The following ETV6 variants were observed in gnomAD, a reference collection of about 807,000 sequenced individuals.
The protein encoded by ETV6 is transcription factor ETV6.
A neutral mutation model predicts 51.1 loss-of-function variants in ETV6; 16 were observed. The observed-to-expected ratio is 0.31, with a 90% CI of 0.21 to 0.48. The LOEUF is 0.48. ETV6 is among the 20% of genes least tolerant of loss of function. ETV6 has a pLI of 0.99. For synonymous variants in ETV6, 240 were observed against 224.1 expected, an observed-to-expected ratio of 1.07 and a Z score of -0.64; for missense variants, 458 against 594.8, an observed-to-expected ratio of 0.77 and a Z score of 2.39.
chr12:11,713,781 G>A (rs1865217708), intron 1 of ETV6, among the ~76,000 whole-genome samples: 1 of 152,068 alleles, frequency 6.6e-6, no homozygotes, highest in African/African-American at 2.4e-5. Context: ...CTTAACCTTG[G>A]ATGTTCATTA....
At chr12:11,888,028 G>A (rs932485964) in intron 7 of ETV6, among the ~76,000 whole-genome samples, 1 of 152,184 alleles carries the variant, frequency 6.6e-6, no homozygotes, top group African/African-American at 2.4e-5. Context: ...GCAGTTTCAT[G>A]AGATCTGGGA....
intron 2 of ETV6, among the ~76,000 whole-genome samples, chr12:11,820,416 T>C (rs1565538588): frequency 2.0e-5 from 3 of 152,122 alleles, no homozygotes; most frequent in Admixed American, 6.6e-5. Context: ...ACAGCATGAT[T>C]AGTAAAATTA....
intron 1 of ETV6, among the ~76,000 whole-genome samples, chr12:11,728,389 G>A (rs57590264): frequency 2.3e-3 from 352 of 152,326 alleles, no homozygotes; most frequent in African/African-American, 8.1e-3. Context: ...GGGCAAGTGA[G>A]CATTACCACC....
At chr12:11,838,446 A>C (rs972150337) in intron 2 of ETV6, among the ~76,000 whole-genome samples, 2 of 152,080 alleles carry the variant, frequency 1.3e-5, no homozygotes, top group Admixed American at 1.3e-4. Flanking sequence ...CTTGGTTCCT[A>C]CTCAGAGTTC....
At chr12:11,858,323 C>T (rs1458406351) in intron 4 of ETV6, among the ~76,000 whole-genome samples, 1 of 151,980 alleles carries the variant, frequency 6.6e-6, no homozygotes, top group African/African-American at 2.4e-5. Context: ...TTTATTTTGT[C>T]ACGTGCAGTT....
intron 1 of ETV6, among the ~76,000 whole-genome samples, chr12:11,722,088 C>T (rs1865399311): frequency 6.6e-6 from 1 of 152,158 alleles, no homozygotes; most frequent in Non-Finnish European, 1.5e-5. Flanking sequence ...TAAAGTTAGG[C>T]TGACTTGACT....
At position 11,891,054 on chromosome 12, in the gene ETV6, A is replaced by G; in HGVS notation, c.*8A>G. 6.2e-7 allele frequency: 1 copy of G among 1,605,162 alleles called. No homozygotes were observed. The highest frequency in any genetic ancestry group is 1.7e-4 in the Middle Eastern group (1 of 6,036). On this transcript the variant is annotated 3_prime_UTR_variant, in exon 8 of 8. Transcript: ENST00000396373. ...CAAGAAGATGAATGCTGAAGGAACC[A>G]ACAGTCCACCTCAGCGGGCCAGCAG...
chr12:11,733,047 C>A (rs1003979495), intron 1 of ETV6, among the ~76,000 whole-genome samples: 1 of 152,060 alleles, frequency 6.6e-6, no homozygotes, highest in Non-Finnish European at 1.5e-5. Context: ...TCTGTTTCTC[C>A]ATTGATGAAA....
chr12:11,761,112 T>C (rs941244662), intron 2 of ETV6, among the ~76,000 whole-genome samples: 1 of 152,184 alleles, frequency 6.6e-6, no homozygotes, highest in African/African-American at 2.4e-5. Flanking sequence ...ACCCAGACTT[T>C]TATTTTCCAC....
intron 2 of ETV6, among the ~76,000 whole-genome samples, chr12:11,799,650 G>A (rs1301995214): frequency 6.6e-6 from 1 of 152,176 alleles, no homozygotes; most frequent in East Asian, 1.9e-4. Context: ...GCATTCTTGT[G>A]CTGCAATGCC....
At chr12:11,833,001 A>G (rs939124176) in intron 2 of ETV6, among the ~76,000 whole-genome samples, 1 of 152,266 alleles carries the variant, frequency 6.6e-6, no homozygotes, top group Non-Finnish European at 1.5e-5. Flanking sequence ...AGATGCTAGA[A>G]ATCGATGGAA....
chr12:11,733,511 C>G (rs1865643604), intron 1 of ETV6, among the ~76,000 whole-genome samples: 1 of 151,642 alleles, frequency 6.6e-6, no homozygotes, highest in South Asian at 2.1e-4. Context: ...CATCCTTTCT[C>G]TTCGGTTTAA....
intron 3 of ETV6, among the ~76,000 whole-genome samples, chr12:11,843,528 CT>C (rs1946419178): frequency 6.6e-6 from 1 of 152,192 alleles, no homozygotes; most frequent in South Asian, 2.1e-4. Context: ...TTCAGCCCAA[CT>C]TCAACACTGA....
At position 11,749,237 on chromosome 12, in the gene ETV6, T is replaced by G. The variant is rs181625350; in HGVS notation, c.34-3213T>G. 1.8e-4 allele frequency among the ~76,000 whole-genome samples: 27 copies of G among 151,350 alleles called. No individual in the cohort carries two copies. The East Asian group carries it at 3.7e-3, about 21-fold the overall frequency. The stretch of plus-strand genomic sequence containing the variant: ...ATATCACTGTCTGTAGCATTTTAAT[T>G]TAATTAGAGCAGCGGTTATAATCCT... On this transcript the variant is annotated intron_variant, in intron 1 of 7. Coordinates refer to ENST00000396373, the MANE Select transcript of ETV6 (RefSeq NM_001987.5).
At chr12:11,704,143 G>C (rs903025723) in intron 1 of ETV6, among the ~76,000 whole-genome samples, 1 of 152,148 alleles carries the variant, frequency 6.6e-6, no homozygotes, top group Non-Finnish European at 1.5e-5. Context: ...CCGTGAAAAC[G>C]GACTGTGTCT....
At chr12:11,735,372 A>G (rs1865684093) in intron 1 of ETV6, among the ~76,000 whole-genome samples, 1 of 152,134 alleles carries the variant, frequency 6.6e-6, no homozygotes, top group Admixed American at 6.6e-5. Context: ...TGGTGAGATC[A>G]GTGGGTGGCA....
chr12:11,653,397 A>G (rs1451449898), intron 1 of ETV6, among the ~76,000 whole-genome samples: 1 of 152,172 alleles, frequency 6.6e-6, no homozygotes, highest in Non-Finnish European at 1.5e-5. Flanking sequence ...CGAGTCACAC[A>G]GTGTCTCTAG....
At chr12:11,870,910 G>A (rs75803048) in intron 5 of ETV6, among the ~76,000 whole-genome samples, 4,913 of 152,290 alleles carry the variant, frequency 0.032, 115 homozygotes, top group Non-Finnish European at 0.05. Flanking sequence ...GTAATAAAGC[G>A]CTGTAGAAGC....
chr12:11,654,604 G>GA (rs35060424), intron 1 of ETV6, among the ~76,000 whole-genome samples: 55,088 of 151,980 alleles, frequency 0.36, 12,138 homozygotes, highest in Middle Eastern at 0.48. Context: ...TGTGGGGGTA[G>GA]AAATGGGCCA....
Sources: allele counts gnomAD v4.1 joint callset (sites outside exome capture counted in the v4.1 genomes callset), GRCh38; gene constraint gnomAD v4.1.1; transcripts MANE v1.5; gene names NCBI Gene and HGNC (gene_info 2026-07-23, HGNC 2026-07-21).